ETV7: variants seen among roughly 807,000 people sequenced by gnomAD.
ETV7 encodes transcription factor ETV7.
In ETV7, 43 loss-of-function variants were observed where a neutral mutation model predicts 39.1. That is an observed-to-expected ratio of 1.10 (90% confidence interval 0.86 to 1.42). The LOEUF (loss-of-function observed/expected upper bound fraction) is 1.42. Among genes scored for constraint, ETV7 ranks in the 40% most tolerant of loss-of-function variants. The probability of loss-of-function intolerance (pLI) is 0.00; values close to 1 mark genes in which losing one functional copy is unlikely to be tolerated. For missense variants in ETV7, 432 were observed against 442.3 expected, an observed-to-expected ratio of 0.98 and a Z score of 0.21; for synonymous variants, 196 against 176.6, an observed-to-expected ratio of 1.11 and a Z score of -0.87.
At chr6:36,369,689 G>T (rs1772912779) in intron 5 of ETV7, among the ~76,000 whole-genome samples, 1 of 152,202 alleles carries the variant, frequency 6.6e-6, no homozygotes, top group Non-Finnish European at 1.5e-5. Context: ...GTATGGGGTG[G>T]TGAGAGAATT....
chr6:36,376,089 G>A, intron 2 of ETV7, 54 bp from the exon 3 acceptor site: 1 of 1,529,208 alleles, frequency 6.5e-7, no homozygotes, highest in African/African-American at 1.4e-5. Flanking sequence ...CCTCAAAGAA[G>A]CCCACCCTGA....
intron 5 of ETV7, among the ~76,000 whole-genome samples, chr6:36,370,827 G>A (rs562184270): frequency 1.5e-4 from 23 of 152,260 alleles, no homozygotes; most frequent in Non-Finnish European, 2.4e-4. Context: ...TTTGGTTAGC[G>A]CTCAGGATCT....
chr6:36,357,855 G>T (rs937717156), intron 7 of ETV7, among the ~76,000 whole-genome samples: 1 of 152,052 alleles, frequency 6.6e-6, no homozygotes, highest in African/African-American at 2.4e-5. Context: ...TCCAGCCCAG[G>T]TGACAGAGTG....
At chr6:36,371,946 G>A (rs891011637) in intron 4 of ETV7, among the ~76,000 whole-genome samples, 4 of 151,888 alleles carry the variant, frequency 2.6e-5, no homozygotes, top group South Asian at 2.1e-4. Context: ...AGCATATATC[G>A]CTGAGCTCCC....
intron 5 of ETV7, among the ~76,000 whole-genome samples, chr6:36,369,667 G>A (rs952862343): frequency 3.3e-5 from 5 of 152,254 alleles, no homozygotes; most frequent in African/African-American, 1.2e-4. Context: ...CCTTCTCTGA[G>A]CCAGCTTCCT....
At chr6:36,383,869 C>G (rs1284824127) in intron 2 of ETV7, among the ~76,000 whole-genome samples, 1 of 152,196 alleles carries the variant, frequency 6.6e-6, no homozygotes, top group African/African-American at 2.4e-5. Context: ...GGGGCCCTGC[C>G]CATAGGCCCT....
chr6:36,370,235 GA>G (rs1772945406), intron 5 of ETV7, among the ~76,000 whole-genome samples: 1 of 152,076 alleles, frequency 6.6e-6, no homozygotes, highest in Non-Finnish European at 1.5e-5. Flanking sequence ...AGCCAGGGTG[GA>G]AAAAACTACC....
At chr6:36,382,181 T>C (rs1258589168) in intron 2 of ETV7, among the ~76,000 whole-genome samples, 3 of 152,208 alleles carry the variant, frequency 2.0e-5, no homozygotes, top group Non-Finnish European at 4.4e-5. Flanking sequence ...CAACCCATGG[T>C]AAACAAATAA....
chr6:36,382,272 C>G (rs549891003), intron 2 of ETV7, among the ~76,000 whole-genome samples: 1 of 152,114 alleles, frequency 6.6e-6, no homozygotes, highest in Non-Finnish European at 1.5e-5. Context: ...ATTTATAATG[C>G]GCTCTGATGT....
chr6:36,376,778 GAAAAAAAA>G lies in ETV7; in HGVS notation c.143-751_143-744del, dbSNP rs60435053. Among the ~76,000 whole-genome samples, 162 of 91,964 alleles carry G rather than the reference GAAAAAAAA, an allele frequency of 1.8e-3. 1 individual carries two copies. The highest frequency in any genetic ancestry group is 6.2e-3 in the African/African-American group (157 of 25,286). The allele number at this position is 91,964 out of a possible 152,430, so 60.3% of individuals were successfully genotyped here. ...GCGACAGAGCGAGACTCCCTCTAAAGAAAAAAAAAAAAAAAAAAGGAAGGGATGTTATT... is the reference window on the plus strand; with the variant it reads ...GCGACAGAGCGAGACTCCCTCTAAAGAAAAAAAAAAGGAAGGGATGTTATT... On this transcript the variant is annotated intron_variant, in intron 2 of 7. Coordinates refer to ENST00000340181, the MANE Select transcript of ETV7 (RefSeq NM_016135.4).
At chr6:36,377,456 G>A (rs893766000) in intron 2 of ETV7, among the ~76,000 whole-genome samples, 11 of 152,042 alleles carry the variant, frequency 7.2e-5, no homozygotes, top group African/African-American at 2.4e-4. Context: ...GTGAGACCCT[G>A]TATCAAAAAA....
At chr6:36,365,688 C>T (rs1364163660), downstream of ETV7, among the ~76,000 whole-genome samples, 1 of 152,104 alleles carries the variant, frequency 6.6e-6, no homozygotes. Flanking sequence ...CGGGGCCTGG[C>T]TAAGAAGCAT....
chr6:36,366,349 A>G lies in ETV7; in HGVS notation c.*296T>C. 8.3e-7 allele frequency: 1 copy of G among 1,203,122 alleles called. No individual in the cohort carries two copies. Among genetic ancestry groups the G allele is most frequent in the Non-Finnish European group, 1.0e-6 (1 of 963,014 alleles). The allele number at this position is 1,203,122 out of a possible 1,614,324, so 74.5% of individuals were successfully genotyped here. A position where few individuals can be genotyped will look rare whatever the true frequency, so the allele number is the denominator to read the frequency against. ...CCTTCATCTGGTAAATTCCATTTAC[A>G]GGGGTGGGGCTGGGTGCTCTATCGG... On this transcript the variant is annotated 3_prime_UTR_variant, in exon 8 of 8. Transcript: ENST00000340181.
downstream of ETV7, chr6:36,366,071 G>T: frequency 2.0e-6 from 1 of 496,876 alleles, no homozygotes; most frequent in Non-Finnish European, 2.6e-6. Flanking sequence ...CTACTCCGGA[G>T]GCTGAGGCAC....
chr6:36,367,355 A>C (rs931269432), intron 6 of ETV7, among the ~76,000 whole-genome samples: 1 of 152,122 alleles, frequency 6.6e-6, no homozygotes, highest in African/African-American at 2.4e-5. Flanking sequence ...AGGCAGGAGA[A>C]TCCCTTGAAC....
intron 2 of ETV7, among the ~76,000 whole-genome samples, chr6:36,381,873 A>G (rs1319737041): frequency 6.6e-6 from 1 of 152,144 alleles, no homozygotes; most frequent in Non-Finnish European, 1.5e-5. Context: ...TTGCACAAAG[A>G]TGCATATGGT....
At chr6:36,379,484 G>A (rs1392190371) in intron 2 of ETV7, among the ~76,000 whole-genome samples, 3 of 151,708 alleles carry the variant, frequency 2.0e-5, no homozygotes, top group Non-Finnish European at 2.9e-5. Flanking sequence ...AGAGTTCACG[G>A]ATGCAATGAG....
chr6:36,377,527 GT>G (rs1460991762), intron 2 of ETV7, among the ~76,000 whole-genome samples: 11 of 152,138 alleles, frequency 7.2e-5, no homozygotes, highest in African/African-American at 2.7e-4. Flanking sequence ...AGCTCACTGG[GT>G]TCAGTTCTAC....
intron 1 of ETV7, chr6:36,386,980 C>G (rs1457721896): frequency 1.8e-5 from 3 of 163,674 alleles, no homozygotes; most frequent in Non-Finnish European, 4.0e-5. Context: ...GAAACGCCAG[C>G]CACGGAGCTG....
Sources: gnomAD v4.1 joint callset for allele counts (sites outside exome capture counted in the v4.1 genomes callset) on GRCh38, gnomAD v4.1.1 for gene constraint, MANE v1.5 for transcripts, NCBI Gene and HGNC (gene_info 2026-07-23, HGNC 2026-07-21) for gene names.